Variants in CCDC186 observed in about 807,000 individuals in gnomAD.
CCDC186 encodes the protein coiled-coil domain containing 186.
Under a neutral mutation model 113.7 loss-of-function variants are expected in CCDC186, and 49 were observed. The observed-to-expected ratio is 0.43, with a 90% CI of 0.34 to 0.55. The LOEUF is 0.55. CCDC186 is among the 20% of genes least tolerant of loss of function. The pLI, the probability that CCDC186 is intolerant of heterozygous loss-of-function variation, is 0.02. For missense variants in CCDC186, 890 were observed against 1,011.1 expected (o/e 0.88, Z 1.62); for synonymous variants, 355 against 345.8 (o/e 1.03, Z -0.30).
intron 1 of CCDC186, among the ~76,000 whole-genome samples, chr10:114,164,641 T>C (rs905583556): frequency 2.0e-5 from 3 of 152,204 alleles, no homozygotes; most frequent in Non-Finnish European, 4.4e-5. Context: ...GGACAGATCA[T>C]AGTTTTGACA....
In CCDC186 at chr10:114,124,647, C is replaced by T. The variant is rs1049611370; in HGVS notation, c.*496G>A. ...ACTGAAATTAAAAGATTTAAATATT[C>T]ATACACATCCCTAAAACTCACCCGA... On this transcript the variant is annotated 3_prime_UTR_variant, in exon 16 of 16. Coordinates refer to ENST00000369287, the MANE Select transcript of CCDC186 (RefSeq NM_018017.4). The T allele has an allele frequency of 1.3e-5, 2 of 152,232 alleles. No individual in the cohort carries two copies. Among genetic ancestry groups the T allele is most frequent in the Non-Finnish European group, 2.9e-5 (2 of 68,068 alleles). 9.4% of individuals were successfully genotyped at this position (152,232 alleles called of 1,614,324 possible).
chr10:114,125,187 T>C lies in CCDC186; in HGVS notation c.2653A>G (p.Ile885Val). Residue 885 changes from isoleucine (I) to valine (V), a missense_variant, in exon 16 of 16, where the codon ATT becomes GTT. Physicochemically the swap from Ile to Val is conservative, Grantham distance 29. Transcript: ENST00000369287. ...QTLGTEIERL[I>V]KHQHELEQRT... ...TGTTCTAGTTCATGCTGGTGTTTAA[T>C]AAGACGTTCTATTTCTGTTCCAAGT... The C allele has an allele frequency of 6.2e-7, 1 of 1,611,198 alleles. No homozygotes were observed. Among genetic ancestry groups the C allele is most frequent in the Non-Finnish European group, 8.5e-7 (1 of 1,178,650 alleles).
chr10:114,129,454 C>A (rs1307900821), intron 13 of CCDC186, among the ~76,000 whole-genome samples: 2 of 152,082 alleles, frequency 1.3e-5, no homozygotes, highest in African/African-American at 4.8e-5. Flanking sequence ...ACATTTTTTA[C>A]AATATAATTA....
At chr10:114,144,147 C>T (rs2031561269) in intron 6 of CCDC186, among the ~76,000 whole-genome samples, 1 of 151,912 alleles carries the variant, frequency 6.6e-6, no homozygotes, top group Non-Finnish European at 1.5e-5. Flanking sequence ...TACACATTCT[C>T]CCCCGTCCAA....
At position 114,144,572 on chromosome 10, in the gene CCDC186, CTTTAA is replaced by C; in HGVS notation, c.1141_1145del (p.Leu381GlyfsTer4). The C allele has an allele frequency of 6.2e-7, 1 of 1,612,866 alleles. No homozygotes were observed. Among genetic ancestry groups the C allele is most frequent in the Non-Finnish European group, 8.5e-7 (1 of 1,179,152 alleles). On this transcript the variant is annotated frameshift_variant, in exon 6 of 16. Coordinates refer to ENST00000369287, the MANE Select transcript of CCDC186 (RefSeq NM_018017.4). LOFTEE classifies it high-confidence loss of function. ...TGATGACGTGAGAGTTAATGTCTTC[CTTTAA>C]TTTGTCTATTTCTCTGATGAGTCTA...
chr10:114,150,033 A>T (rs1282477577), intron 4 of CCDC186, among the ~76,000 whole-genome samples: 2 of 152,198 alleles, frequency 1.3e-5, no homozygotes, highest in Non-Finnish European at 2.9e-5. Flanking sequence ...TTCTAATGCA[A>T]GGAGTCAGCA....
intron 1 of CCDC186, among the ~76,000 whole-genome samples, chr10:114,165,059 A>C (rs1430104455): frequency 6.6e-6 from 1 of 152,264 alleles, no homozygotes; most frequent in Non-Finnish European, 1.5e-5. Context: ...GGGAGGAATA[A>C]GTGTAAGAAA....
intron 6 of CCDC186, among the ~76,000 whole-genome samples, chr10:114,138,852 C>T (rs933382543): frequency 6.6e-6 from 1 of 152,136 alleles, no homozygotes; most frequent in Non-Finnish European, 1.5e-5. Context: ...TCATAATTCT[C>T]CCTAAGCAAA....
intron 6 of CCDC186, among the ~76,000 whole-genome samples, chr10:114,139,888 C>T (rs1056828108): frequency 6.6e-6 from 1 of 152,126 alleles, no homozygotes; most frequent in African/African-American, 2.4e-5. Flanking sequence ...ACTTCATTCG[C>T]TCAAAAAATA....
chr10:114,131,394 TCA>T (rs967488732), intron 11 of CCDC186, 58 bp from the exon 12 acceptor site: 61 of 1,371,814 alleles, frequency 4.4e-5, no homozygotes, highest in Non-Finnish European at 5.9e-5. Context: ...CCATTAATGC[TCA>T]GTTTATATAA....
intron 3 of CCDC186, among the ~76,000 whole-genome samples, chr10:114,152,650 C>T (rs1234053888): frequency 1.3e-5 from 2 of 152,098 alleles, no homozygotes; most frequent in African/African-American, 4.8e-5. Context: ...ATCCCACCAT[C>T]AATAATATTA....
In CCDC186 at chr10:114,129,876, C is replaced by T. The variant is rs376292897; in HGVS notation, c.2182+15G>A. ...ATCAATCATGAAATAACAACTAGAG[C>T]CACTAGTTTTTTACCTGATGAACTA... is the stretch of plus-strand genomic sequence containing the variant. On this transcript the variant is annotated intron_variant, in intron 13 of 15. Transcript: ENST00000369287. The T allele has an allele frequency of 2.2e-5, 36 of 1,607,274 alleles. No individual in the cohort carries two copies. Among genetic ancestry groups the T allele is most frequent in the Non-Finnish European group, 2.6e-5 (31 of 1,174,266 alleles).
At chr10:114,138,074 TAAAAAA>T (rs1564908459) in intron 6 of CCDC186, among the ~76,000 whole-genome samples, 1 of 73,678 alleles carries the variant, frequency 1.4e-5, no homozygotes, top group African/African-American at 6.2e-5. Context: ...AAAAAAAAAA[TAAAAAA>T]AATACACAAA....
intron 1 of CCDC186, among the ~76,000 whole-genome samples, chr10:114,169,319 A>C (rs2032428205): frequency 7.2e-6 from 1 of 138,720 alleles, no homozygotes; most frequent in Admixed American, 8.3e-5. Context: ...ATCTTAGCTC[A>C]CTGCAACCTC....
intron 2 of CCDC186, among the ~76,000 whole-genome samples, chr10:114,158,711 T>C (rs1430294399): frequency 6.6e-6 from 1 of 151,934 alleles, no homozygotes; most frequent in African/African-American, 2.4e-5. Context: ...AAAAATAAAA[T>C]AAAAATATTA....
chr10:114,159,037 CAG>C (rs892170381), intron 2 of CCDC186, among the ~76,000 whole-genome samples: 1 of 152,120 alleles, frequency 6.6e-6, no homozygotes, highest in African/African-American at 2.4e-5. Flanking sequence ...AGCGAAAAGC[CAG>C]AGAGTGACTT....
intron 2 of CCDC186, chr10:114,162,193 C>T (rs949649045): frequency 6.5e-6 from 1 of 153,084 alleles, no homozygotes; most frequent in African/African-American, 2.4e-5. Flanking sequence ...CAGAACTTCA[C>T]ATATCCAAAA....
Position 114,174,185 on chromosome 10 carries a change from C to A in CCDC186, c.-232G>T, listed in dbSNP as rs982453817. 1.6e-5 allele frequency: 7 copies of A among 450,254 alleles called. No homozygotes were observed. The highest frequency in any genetic ancestry group is 2.3e-5 in the Non-Finnish European group (5 of 215,826). The allele number at this position is 450,254 out of a possible 1,614,324, so 27.9% of individuals were successfully genotyped here. ...GCCGTTTCCCCAAACCCCTGCGGAG[C>A]TGACACATCAACAAAGATGGCGGCG... On this transcript the variant is annotated 5_prime_UTR_variant, in exon 1 of 16. Coordinates refer to ENST00000369287, the MANE Select transcript of CCDC186 (RefSeq NM_018017.4).
chr10:114,173,906 C>G (rs1398987371), intron 1 of CCDC186, 109 bp downstream of exon 1: 1 of 403,564 alleles, frequency 2.5e-6, no homozygotes, highest in Non-Finnish European at 5.0e-6. Context: ...ACCTCGCACT[C>G]GCCCTCGCCC....
Sources: gnomAD v4.1 joint callset for allele counts (sites outside exome capture counted in the v4.1 genomes callset) on GRCh38, gnomAD v4.1.1 for gene constraint, MANE v1.5 for transcripts, NCBI Gene and HGNC (gene_info 2026-07-23, HGNC 2026-07-21) for gene names.